Variants in CYP1A2 observed in about 807,000 individuals in gnomAD.
The protein encoded by CYP1A2 is cytochrome P450 1A2.
In CYP1A2, 35 loss-of-function variants were observed where a neutral mutation model predicts 34.7. The ratio of observed to expected loss-of-function variants is 1.01; its 90% confidence interval spans 0.77 to 1.34. The LOEUF (loss-of-function observed/expected upper bound fraction) is 1.34, where lower values mean the gene tolerates loss of function less well. CYP1A2 is among the 40% of genes most tolerant of loss of function. The pLI is 0.00. For missense variants in CYP1A2, 675 were observed against 675.8 expected (o/e 1.00, Z 0.01); for synonymous variants, 288 against 281.9 (o/e 1.02, Z -0.22).
Position 74,749,989 on chromosome 15 carries a change from C to T in CYP1A2, c.251C>T (p.Pro84Leu). 1 of 1,614,096 alleles carries T rather than the reference C, an allele frequency of 6.2e-7. No homozygotes were observed. Among genetic ancestry groups the T allele is most frequent in the Non-Finnish European group, 8.5e-7 (1 of 1,180,008 alleles). The change falls in exon 2 of 7, where the codon CCC becomes CTC. Residue 84 changes from proline to leucine, a missense_variant. Transcript: ENST00000343932. ...CTGCAGATCCGCATTGGCTCCACGCCCGTGCTGGTGCTGAGCCGCCTGGAC... is the reference window on the plus strand; with the variant it reads ...CTGCAGATCCGCATTGGCTCCACGCTCGTGCTGGTGCTGAGCCGCCTGGAC... ...DVLQIRIGSTPVLVLSRLDTI... is the reference protein window; with the variant it reads ...DVLQIRIGSTLVLVLSRLDTI...
Position 74,751,867 on chromosome 15 carries a change from C to A in CYP1A2, c.1042+13C>A, listed in dbSNP as rs944894871. 2 of 1,612,214 alleles carry A rather than the reference C, an allele frequency of 1.2e-6. No homozygotes were observed. The highest frequency in any genetic ancestry group is 1.7e-6 in the Non-Finnish European group (2 of 1,179,370). ...CAGAAGGAGCTGGGTACATGGGGGCCCCCAACCCTATAGCCAGGAGAAGCC... is the reference window on the plus strand; with the variant it reads ...CAGAAGGAGCTGGGTACATGGGGGCACCCAACCCTATAGCCAGGAGAAGCC... On this transcript the variant is annotated intron_variant, in intron 4 of 6. Coordinates refer to ENST00000343932, the MANE Select transcript of CYP1A2 (RefSeq NM_000761.5).
At position 74,756,579 on chromosome 15, in the gene CYP1A2, A is replaced by G. The variant is rs945188105; in HGVS notation, c.*1491A>G. ...TGGATTTGCCTTCTCTAAACATTTC[A>G]TATAAATGGAATTACACAATGAGTG... On this transcript the variant is annotated 3_prime_UTR_variant, in exon 7 of 7. Coordinates refer to ENST00000343932, the MANE Select transcript of CYP1A2 (RefSeq NM_000761.5). Among the ~76,000 whole-genome samples the G allele has an allele frequency of 1.2e-4, 18 of 152,164 alleles. No homozygotes were observed. Among genetic ancestry groups the G allele is most frequent in the African/African-American group, 4.3e-4 (18 of 41,420 alleles).
intron 3 of CYP1A2, among the ~76,000 whole-genome samples, 190 bp downstream of exon 3, chr15:74,751,499 C>T (rs932251519): frequency 1.3e-5 from 2 of 152,188 alleles, no homozygotes; most frequent in Non-Finnish European, 2.9e-5. Flanking sequence ...CAGCAAAGTC[C>T]TTCTCCTCCC....
Position 74,755,053 on chromosome 15 carries a change from C to T in CYP1A2, c.1516C>T (p.His506Tyr). Residue 506 changes from histidine (H) to tyrosine (Y), a missense_variant, in exon 7 of 7, where the codon CAT (histidine) becomes TAT (tyrosine). Coordinates refer to ENST00000343932, the MANE Select transcript of CYP1A2 (RefSeq NM_000761.5). ...GACCATGAAGCACGCCCGCTGTGAA[C>T]ATGTCCAGGCGCGGCTGCGCTTCTC... ...GLTMKHARCEHVQARLRFSIN is the reference protein window; with the variant it reads ...GLTMKHARCEYVQARLRFSIN 1 of 1,613,284 alleles carries T rather than the reference C, an allele frequency of 6.2e-7. No homozygotes were observed. Among genetic ancestry groups the T allele is most frequent in the Non-Finnish European group, 8.5e-7 (1 of 1,179,566 alleles).
intron 2 of CYP1A2, 76 bp downstream of exon 2, chr15:74,750,645 C>G: frequency 7.9e-7 from 1 of 1,262,854 alleles, no homozygotes; most frequent in Non-Finnish European, 1.1e-6. Context: ...CTCCAGCATG[C>G]CCACACAGCT....
At chr15:74,753,297 T>C in intron 6 of CYP1A2, 27 bp downstream of exon 6, 1 of 1,584,268 alleles carries the variant, frequency 6.3e-7, no homozygotes, top group Non-Finnish European at 8.7e-7. Context: ...CACGAAAAAA[T>C]GTGTGCAGGT....
rs1455643099 is a variant in CYP1A2 at position 74,754,928 on chromosome 15, C to A, written c.1391C>A (p.Ala464Asp). ...CGCCGGTGTATCGGGGAAGTCCTGG[C>A]CAAGTGGGAGATCTTCCTCTTCCTG... is the stretch of plus-strand genomic sequence containing the variant. ...GKRRCIGEVL[A>D]KWEIFLFLAI... Residue 464 changes from alanine (A) to aspartate (D), a missense_variant, in exon 7 of 7, where the codon GCC (alanine) becomes GAC (aspartate). Ala to Asp is a moderately radical substitution (Grantham distance 126). Transcript: ENST00000343932. 5 of 1,614,240 alleles carry A rather than the reference C, an allele frequency of 3.1e-6. No homozygotes were observed. The highest frequency in any genetic ancestry group is 4.2e-6 in the Non-Finnish European group (5 of 1,180,042).
At chr15:74,751,686 T>TA in intron 3 of CYP1A2, 79 bp from the exon 4 acceptor site, 2 of 1,392,270 alleles carry the variant, frequency 1.4e-6, no homozygotes, top group South Asian at 2.5e-5. Flanking sequence ...GCTGGATACA[T>TA]ACATAGCAGA....
intron 6 of CYP1A2, among the ~76,000 whole-genome samples, chr15:74,754,173 G>A (rs2063328142): frequency 6.6e-6 from 1 of 152,020 alleles, no homozygotes; most frequent in Non-Finnish European, 1.5e-5. Context: ...CAAAGTGCTA[G>A]GGTTACGGGT....
chr15:74,749,848 A>T lies in CYP1A2; in HGVS notation c.110A>T (p.Lys37Ile), dbSNP rs751602658. The change falls in exon 2 of 7, where the codon AAA becomes ATA. Residue 37 changes from lysine to isoleucine, a missense_variant. Physicochemically the swap from Lys to Ile is moderately radical, Grantham distance 102. Transcript: ENST00000343932. Reference protein sequence around the residue: ...VLKGLRPRVPKGLKSPPEPWG... With the variant: ...VLKGLRPRVPIGLKSPPEPWG... ...AAGGGTTTGAGGCCTCGGGTCCCCA[A>T]AGGCCTGAAAAGTCCACCAGAGCCA... The T allele has an allele frequency of 8.7e-6, 14 of 1,606,518 alleles. No individual in the cohort carries two copies. Among genetic ancestry groups the T allele is most frequent in the Non-Finnish European group, 1.2e-5 (14 of 1,174,450 alleles).
Position 74,750,023 on chromosome 15 carries a change from G to A in CYP1A2, c.285G>A (p.Arg95=). Residue 95 remains arginine (R), a synonymous_variant, in exon 2 of 7, where the codon CGG becomes CGA. Coordinates refer to ENST00000343932, the MANE Select transcript of CYP1A2 (RefSeq NM_000761.5). The part of the protein sequence containing the change: ...VLVLSRLDTI[R]QALVRQGDDF... The stretch of plus-strand genomic sequence containing the variant: ...TGCTGAGCCGCCTGGACACCATCCG[G>A]CAGGCCCTGGTGCGGCAGGGCGACG... 1 of 1,614,048 alleles carries A rather than the reference G, an allele frequency of 6.2e-7. No individual in the cohort carries two copies. The highest frequency in any genetic ancestry group is 8.5e-7 in the Non-Finnish European group (1 of 1,180,018).
At position 74,752,229 on chromosome 15, in the gene CYP1A2, C is replaced by G. The variant is rs2063319346; in HGVS notation, c.1148C>G (p.Pro383Arg). The G allele has an allele frequency of 2.5e-6, 4 of 1,614,038 alleles. No individual in the cohort carries two copies. The highest frequency in any genetic ancestry group is 3.4e-6 in the Non-Finnish European group (4 of 1,179,964). Reference protein sequence around the residue: ...LETFRHSSFLPFTIPHSTTRD... With the variant: ...LETFRHSSFLRFTIPHSTTRD... ...ACCTTCCGACACTCCTCCTTCTTGCCCTTCACCATCCCCCACAGGTGAGGC... is the reference window on the plus strand; with the variant it reads ...ACCTTCCGACACTCCTCCTTCTTGCGCTTCACCATCCCCCACAGGTGAGGC... Residue 383 changes from proline to arginine, a missense_variant, in exon 5 of 7, where the codon CCC (proline) becomes CGC (arginine). Coordinates refer to ENST00000343932, the MANE Select transcript of CYP1A2 (RefSeq NM_000761.5).
chr15:74,751,875 C>T (rs1567205979), intron 4 of CYP1A2, 21 bp downstream of exon 4: 1 of 1,610,072 alleles, frequency 6.2e-7, no homozygotes, highest in Admixed American at 1.7e-5. Context: ...GCCCCCAACC[C>T]TATAGCCAGG....
chr15:74,752,870 CT>C (rs4646426), intron 5 of CYP1A2, among the ~76,000 whole-genome samples: 4,626 of 95,916 alleles, frequency 0.048, 101 homozygotes, highest in East Asian at 0.17. Flanking sequence ...CTGCCTGCTG[CT>C]TTTTTTTTTT....
chr15:74,755,361 A>C lies in CYP1A2; in HGVS notation c.*273A>C, dbSNP rs2063333531. 7.1e-6 allele frequency: 2 copies of C among 283,394 alleles called. No homozygotes were observed. The highest frequency in any genetic ancestry group is 2.5e-5 in the African/African-American group (1 of 40,684). The allele number at this position is 283,394 out of a possible 1,614,324, so 17.6% of individuals were successfully genotyped here. The stretch of plus-strand genomic sequence containing the variant: ...GCAAGACCCCATCTCAAAAAAAAAA[A>C]CAAACAAACAAAAAAAAAACCATAT... On this transcript the variant is annotated 3_prime_UTR_variant, in exon 7 of 7. Transcript: ENST00000343932.
intron 5 of CYP1A2, 94 bp downstream of exon 5, chr15:74,752,341 T>G: frequency 1.9e-6 from 3 of 1,541,616 alleles, no homozygotes; most frequent in Non-Finnish European, 2.6e-6. Flanking sequence ...CAGCATCTCC[T>G]TCCCGACCTC....
chr15:74,750,221 G>A lies in CYP1A2; in HGVS notation c.483G>A (p.Leu161=), dbSNP rs2063307752. 6.2e-7 allele frequency: 1 copy of A among 1,614,166 alleles called. No homozygotes were observed. The highest frequency in any genetic ancestry group is 8.5e-7 in the Non-Finnish European group (1 of 1,180,036). The change falls in exon 2 of 7, where the codon CTG becomes CTA. Residue 161 remains leucine, a synonymous_variant. Transcript: ENST00000343932. ...CAGCTTCCTCATCCTCCTGCTACCT[G>A]GAGGAGCATGTGAGCAAGGAGGCTA... ...SDPASSSSCY[L]EEHVSKEAKA...
chr15:74,751,127 A>G (rs2063313372), intron 2 of CYP1A2, 62 bp from the exon 3 acceptor site: 2 of 1,599,098 alleles, frequency 1.3e-6, no homozygotes, highest in Non-Finnish European at 1.7e-6. Flanking sequence ...AGGGGAGTGG[A>G]GCAACGTTCA....
rs1262511137 is a variant in CYP1A2 at position 74,750,129 on chromosome 15, C to A, written c.391C>A (p.Pro131Thr). 3 of 1,614,054 alleles carry A rather than the reference C, an allele frequency of 1.9e-6. No individual in the cohort carries two copies. The highest frequency in any genetic ancestry group is 2.5e-6 in the Non-Finnish European group (3 of 1,180,042). The change falls in exon 2 of 7, where the codon CCG (proline) becomes ACG (threonine). Residue 131 changes from proline to threonine, a missense_variant. Physicochemically the swap from Pro to Thr is conservative, Grantham distance 38. Coordinates refer to ENST00000343932, the MANE Select transcript of CYP1A2 (RefSeq NM_000761.5). ...CTTGACCTTCAGCACAGACTCTGGACCGGTGTGGGCTGCCCGCCGGCGCCT... is the reference window on the plus strand; with the variant it reads ...CTTGACCTTCAGCACAGACTCTGGAACGGTGTGGGCTGCCCGCCGGCGCCT... ...QSLTFSTDSG[P>T]VWAARRRLAQ...
Sources: gnomAD v4.1 joint callset for allele counts (sites outside exome capture counted in the v4.1 genomes callset) on GRCh38, gnomAD v4.1.1 for gene constraint, MANE v1.5 for transcripts, NCBI Gene and HGNC (gene_info 2026-07-23, HGNC 2026-07-21) for gene names.